The following TBX1 variants were observed in gnomAD, a reference collection of about 807,000 sequenced individuals.
TBX1 encodes T-box transcription factor 1, also known as T-box transcription factor TBX1.
In TBX1, 16 loss-of-function variants were observed where a neutral mutation model predicts 40.8. The observed-to-expected ratio is 0.39, with a 90% CI of 0.27 to 0.60. The LOEUF (loss-of-function observed/expected upper bound fraction) is 0.60, where lower values mean the gene tolerates loss of function less well. TBX1 is among the 20% of genes least tolerant of loss of function. TBX1 has a pLI of 0.51. For missense variants in TBX1, 755 were observed against 728.5 expected, an observed-to-expected ratio of 1.04 and a Z score of -0.42; for synonymous variants, 403 against 336.8, an observed-to-expected ratio of 1.20 and a Z score of -2.15.
intron 8 of TBX1, among the ~76,000 whole-genome samples, chr22:19,773,141 A>AT (rs41300480): frequency 7.2e-5 from 11 of 152,360 alleles, no homozygotes; most frequent in Admixed American, 2.6e-4. Context: ...AGCCACTTCC[A>AT]TGCAAATAAT....
downstream of TBX1, among the ~76,000 whole-genome samples, chr22:19,769,727 C>T (rs1162833836): frequency 6.6e-6 from 1 of 152,222 alleles, no homozygotes; most frequent in Non-Finnish European, 1.5e-5. Flanking sequence ...ACGTTCACCC[C>T]CAAGGTGATG....
downstream of TBX1, among the ~76,000 whole-genome samples, chr22:19,780,785 T>TTG (rs1569032707): frequency 2.8e-5 from 4 of 144,972 alleles, no homozygotes; most frequent in Admixed American, 6.9e-5. Context: ...TGTTTTTTTT[T>TTG]TTGTTTTTTT....
chr22:19,765,780 G>C lies in TBX1; in HGVS notation c.890G>C (p.Ser297Thr). 1 of 1,611,962 alleles carries C rather than the reference G, an allele frequency of 6.2e-7. No individual in the cohort carries two copies. The highest frequency in any genetic ancestry group is 8.5e-7 in the Non-Finnish European group (1 of 1,179,346). The change falls in exon 5 of 7, where the codon AGC becomes ACC. Residue 297 changes from serine (S) to threonine (T), a missense_variant. Transcript: ENST00000649276. ...CAGATCACGCAGCTCAAGATTGCCA[G>C]CAATCCCTTCGCGAAAGGCTTCCGG... Reference protein sequence around the residue: ...NHRITQLKIASNPFAKGFRDC... With the variant: ...NHRITQLKIATNPFAKGFRDC...
chr22:19,761,083 G>A lies in TBX1; in HGVS notation c.240G>A (p.Pro80=). The part of the protein sequence containing the change: ...PGPPPPPHAY[P]FAPAAGAATS... ...CGCCGCCGCCGCCGCACGCCTACCC[G>A]TTTGCGCCGGCCGCCGGGGCCGCCA... is the stretch of plus-strand genomic sequence containing the variant. The change falls in exon 1 of 7, where the codon CCG becomes CCA. Residue 80 remains proline (P), a synonymous_variant. Transcript: ENST00000649276. The A allele has an allele frequency of 2.9e-6, 3 of 1,050,186 alleles. No homozygotes were observed. Among genetic ancestry groups the A allele is most frequent in the Non-Finnish European group, 3.5e-6 (3 of 863,244 alleles). The allele number at this position is 1,050,186 out of a possible 1,614,324, so 65.1% of individuals were successfully genotyped here.
At chr22:19,763,552 G>C (rs1175802971) in intron 2 of TBX1, 1 of 594,348 alleles carries the variant, frequency 1.7e-6, no homozygotes, top group East Asian at 2.9e-5. Context: ...CGCCTCTGGA[G>C]CCGCAGGCTG....
chr22:19,770,951 C>T (rs1001212032), downstream of TBX1, among the ~76,000 whole-genome samples: 7 of 152,300 alleles, frequency 4.6e-5, no homozygotes, highest in African/African-American at 1.7e-4. Flanking sequence ...CTCTGTGTTC[C>T]AGAGACTCAG....
At chr22:19,759,727 C>T, upstream of TBX1, 1 of 1,603,836 alleles carries the variant, frequency 6.2e-7, no homozygotes, top group Non-Finnish European at 8.5e-7. Context: ...GACCCCCTGC[C>T]TCAGCTGCTG....
chr22:19,759,137 G>C (rs1007494224), upstream of TBX1, among the ~76,000 whole-genome samples: 1 of 152,220 alleles, frequency 6.6e-6, no homozygotes, highest in Non-Finnish European at 1.5e-5. Flanking sequence ...CTCCTCGGGG[G>C]GCTGTAGAAG....
chr22:19,763,754 G>A lies in TBX1; in HGVS notation c.540-401G>A, dbSNP rs1601288468. The A allele has an allele frequency of 7.6e-6, 3 of 395,216 alleles. No homozygotes were observed. In the South Asian group the frequency reaches 9.1e-5, roughly 12 times the overall value. 24.5% of individuals were successfully genotyped at this position (395,216 alleles called of 1,614,324 possible). On this transcript the variant is annotated intron_variant, in intron 2 of 6. Coordinates refer to ENST00000649276, the MANE Select transcript of TBX1 (RefSeq NM_001379200.1). Reference sequence around the variant, plus strand: ...GGGTGGCCAGGAGAGATTATGCAGGGCGGGCCTCAGCTGCCCGGACAATTA... The same window carrying A: ...GGGTGGCCAGGAGAGATTATGCAGGACGGGCCTCAGCTGCCCGGACAATTA...
downstream of TBX1, among the ~76,000 whole-genome samples, chr22:19,781,590 C>T (rs994536031): frequency 6.6e-6 from 1 of 152,000 alleles, no homozygotes; most frequent in South Asian, 2.1e-4. Context: ...TGAAATGTGC[C>T]TTTCGTGTCA....
chr22:19,762,264 C>G (rs1936693337), intron 1 of TBX1, among the ~76,000 whole-genome samples: 1 of 152,250 alleles, frequency 6.6e-6, no homozygotes, highest in Admixed American at 6.5e-5. Flanking sequence ...GAGCCCACGT[C>G]CCGCAGCACC....
downstream of TBX1, among the ~76,000 whole-genome samples, chr22:19,768,247 C>T (rs979072013): frequency 2.0e-5 from 3 of 152,238 alleles, no homozygotes; most frequent in Non-Finnish European, 2.9e-5. Context: ...CCACTCGGCT[C>T]ATCACCCCAC....
intron 8 of TBX1, among the ~76,000 whole-genome samples, chr22:19,775,337 C>T (rs934493235): frequency 5.3e-5 from 8 of 152,242 alleles, no homozygotes; most frequent in South Asian, 2.1e-4. Flanking sequence ...TCAGGTGATC[C>T]GCCCACCTCA....
downstream of TBX1, among the ~76,000 whole-genome samples, chr22:19,781,323 C>T (rs960117791): frequency 2.0e-5 from 3 of 152,012 alleles, no homozygotes; most frequent in Non-Finnish European, 4.4e-5. Flanking sequence ...ATTAAGTGAT[C>T]CTCTTGCCTC....
At chr22:19,767,440 T>A, downstream of TBX1, 1 of 967,108 alleles carries the variant, frequency 1.0e-6, no homozygotes, top group Admixed American at 6.2e-5. Context: ...CCAGCCCCAA[T>A]CCCTGCCGAC....
chr22:19,764,848 T>C (rs1175423780), intron 3 of TBX1, 110 bp from the exon 4 acceptor site: 1 of 1,356,786 alleles, frequency 7.4e-7, no homozygotes, highest in Non-Finnish European at 1.0e-6. Flanking sequence ...TTTGCCCAAC[T>C]CATCCAGGAA....
upstream of TBX1, chr22:19,759,709 G>C (rs1035479235): frequency 6.2e-7 from 1 of 1,609,892 alleles, no homozygotes; most frequent in Admixed American, 1.7e-5. Context: ...ACACTGGCCC[G>C]CCCGCCAGAC....
exon 9 of TBX1, chr22:19,779,473 A>C: frequency 1.2e-6 from 2 of 1,606,994 alleles, no homozygotes; most frequent in Non-Finnish European, 8.5e-7. Context: ...TCATGTTTGA[A>C]ATTTCCAAAA....
At chr22:19,759,709 G>A (rs1035479235), upstream of TBX1, 1 of 1,609,890 alleles carries the variant, frequency 6.2e-7, no homozygotes, top group Non-Finnish European at 8.5e-7. Context: ...ACACTGGCCC[G>A]CCCGCCAGAC....
Sources: allele counts gnomAD v4.1 joint callset (sites outside exome capture counted in the v4.1 genomes callset), GRCh38; gene constraint gnomAD v4.1.1; transcripts MANE v1.5; gene names NCBI Gene and HGNC (gene_info 2026-07-23, HGNC 2026-07-21).